RRP15: variants seen among roughly 807,000 people sequenced by gnomAD.
RRP15 encodes the protein RRP15-like protein.
A neutral mutation model predicts 27.1 loss-of-function variants in RRP15; 18 were observed. That is an observed-to-expected ratio of 0.66 (90% CI 0.46 to 0.98). The LOEUF (loss-of-function observed/expected upper bound fraction) is 0.98, where lower values mean the gene tolerates loss of function less well. Ranked by LOEUF, RRP15 falls within the 50% of genes least tolerant of loss-of-function variation. The pLI, the probability that RRP15 is intolerant of heterozygous loss-of-function variation, is 0.00. For missense variants in RRP15, 359 were observed against 337.8 expected, an observed-to-expected ratio of 1.06 and a Z score of -0.49; for synonymous variants, 107 against 109.4, an observed-to-expected ratio of 0.98 and a Z score of 0.14.
intron 4 of RRP15, among the ~76,000 whole-genome samples, chr1:218,318,190 T>G (rs1336146042): frequency 2.0e-5 from 3 of 152,158 alleles, no homozygotes; most frequent in Admixed American, 1.3e-4. Context: ...TTGTTTAGGT[T>G]GATTATTTGA....
rs1656450347 is a variant in RRP15, at chr1:218,336,473, T to G, written c.*5382T>G. The G allele has an allele frequency of 6.6e-6, 1 of 152,664 alleles. No homozygotes were observed. The highest frequency in any genetic ancestry group is 1.5e-5 in the Non-Finnish European group (1 of 68,050). The allele number at this position is 152,664 out of a possible 1,614,324, so 9.5% of individuals were successfully genotyped here. A position where few individuals can be genotyped will look rare whatever the true frequency, so the allele number is the denominator to read the frequency against. ...CTGGGGCTCTAAATGGAGAGACAGC[T>G]GAGAGCTGTGTCCCTATGCGTGGGT... On this transcript the variant is annotated 3_prime_UTR_variant, in exon 5 of 5. Transcript: ENST00000366932.
intron 1 of RRP15, among the ~76,000 whole-genome samples, chr1:218,297,356 A>G (rs1655736971): frequency 6.6e-6 from 1 of 152,092 alleles, no homozygotes; most frequent in African/African-American, 2.4e-5. Context: ...GCCACATAAA[A>G]ATTCTCATTG....
intron 4 of RRP15, among the ~76,000 whole-genome samples, chr1:218,320,154 C>T (rs1656164672): frequency 1.3e-5 from 2 of 151,700 alleles, no homozygotes; most frequent in South Asian, 2.1e-4. Context: ...TGGTGTGCTG[C>T]ACCCATTAAC....
chr1:218,287,096 C>CT (rs1335577154), intron 1 of RRP15, among the ~76,000 whole-genome samples: 1 of 150,436 alleles, frequency 6.6e-6, no homozygotes, highest in Non-Finnish European at 1.5e-5. Context: ...CCCCAGGTAG[C>CT]TAGGACTACA....
intron 1 of RRP15, among the ~76,000 whole-genome samples, chr1:218,297,605 T>C (rs1442950316): frequency 6.6e-6 from 1 of 152,204 alleles, no homozygotes; most frequent in Non-Finnish European, 1.5e-5. Context: ...CTTACTTCAT[T>C]GTCCCTTACT....
chr1:218,306,804 TGTG>T (rs1402835507), intron 3 of RRP15, among the ~76,000 whole-genome samples: 6 of 152,246 alleles, frequency 3.9e-5, no homozygotes, highest in Non-Finnish European at 4.4e-5. Flanking sequence ...ATATTCATCA[TGTG>T]GTCAGTATGA....
rs1558205478 is a variant in RRP15 at position 218,305,013 on chromosome 1, ATATT to A, written c.406-11_406-8del. Reference sequence around the variant, plus strand: ...ATATCTAATATTCTTTCACATAACAATATTTATAACGCAGCGTGATAAGAGGCTG... The same window carrying A: ...ATATCTAATATTCTTTCACATAACAATATAACGCAGCGTGATAAGAGGCTG... On this transcript the variant is annotated splice_polypyrimidine_tract_variant and intron_variant, in intron 2 of 4. Coordinates refer to ENST00000366932, the MANE Select transcript of RRP15 (RefSeq NM_016052.4). 3.7e-6 allele frequency: 6 copies of A among 1,605,780 alleles called. No homozygotes were observed. The East Asian group carries it at 8.9e-5, about 24-fold the overall frequency.
At chr1:218,320,519 T>G (rs1324246657) in intron 4 of RRP15, among the ~76,000 whole-genome samples, 2 of 152,172 alleles carry the variant, frequency 1.3e-5, no homozygotes, top group Non-Finnish European at 2.9e-5. Context: ...GTTCTTAAGA[T>G]AATTTAAATG....
rs1028268465 is a variant in RRP15, at chr1:218,333,796, C to T, written c.*2705C>T. ...TTACAGGTGTGAGCCACCATACCAC[C>T]TGTCTTTGAATTTTTTAACGAGGGG... On this transcript the variant is annotated 3_prime_UTR_variant, in exon 5 of 5. Transcript: ENST00000366932. 3 of 152,136 alleles carry T rather than the reference C, an allele frequency of 2.0e-5. No individual in the cohort carries two copies. The highest frequency in any genetic ancestry group is 7.2e-5 in the African/African-American group (3 of 41,434). The allele number at this position is 152,136 out of a possible 1,614,324, so 9.4% of individuals were successfully genotyped here.
intron 4 of RRP15, among the ~76,000 whole-genome samples, chr1:218,310,962 T>C (rs1655985961): frequency 6.6e-6 from 1 of 152,018 alleles, no homozygotes; most frequent in Admixed American, 6.6e-5. Context: ...TTGATCAGGC[T>C]GGTCACGAAC....
At chr1:218,330,887 C>T in intron 4 of RRP15, 61 bp from the exon 5 acceptor site, 1 of 1,494,488 alleles carries the variant, frequency 6.7e-7, no homozygotes, top group Non-Finnish European at 9.2e-7. Context: ...TAGCTTGTAC[C>T]TTTTTGTTTC....
At chr1:218,312,349 G>T (rs1432456704) in intron 4 of RRP15, among the ~76,000 whole-genome samples, 1 of 149,700 alleles carries the variant, frequency 6.7e-6, no homozygotes, top group African/African-American at 2.5e-5. Context: ...TTTCTTTTTG[G>T]AACCTTTTAA....
chr1:218,285,932 TC>T lies in RRP15; in HGVS notation c.139+478del, dbSNP rs1655538493. Among the ~76,000 whole-genome samples the T allele has an allele frequency of 2.0e-5, 3 of 152,120 alleles. No homozygotes were observed. The South Asian group carries it at 6.2e-4, about 32-fold the overall frequency. On this transcript the variant is annotated intron_variant, in intron 1 of 4. Transcript: ENST00000366932. ...TGAAAGAAGAGTTTGGTGGTTAAGG[TC>T]GATTAAAAACTGGTAGTGTTTGATA...
chr1:218,288,668 A>G (rs1258073114), intron 1 of RRP15, among the ~76,000 whole-genome samples: 1 of 152,248 alleles, frequency 6.6e-6, no homozygotes, highest in Non-Finnish European at 1.5e-5. Context: ...TCAGGAGGAC[A>G]TAGATAATTT....
chr1:218,285,681 C>A (rs1265794666), intron 1 of RRP15, among the ~76,000 whole-genome samples: 1 of 152,006 alleles, frequency 6.6e-6, no homozygotes, highest in East Asian at 1.9e-4. Flanking sequence ...TAGGTATTTT[C>A]AGGGTCACCA....
chr1:218,323,841 C>T (rs775793245), intron 4 of RRP15, among the ~76,000 whole-genome samples: 4 of 152,192 alleles, frequency 2.6e-5, no homozygotes, highest in East Asian at 1.9e-4. Flanking sequence ...GCCCGGGTTC[C>T]GCTCCAACCT....
chr1:218,291,731 C>T (rs1380171786), intron 1 of RRP15, among the ~76,000 whole-genome samples: 1 of 151,882 alleles, frequency 6.6e-6, no homozygotes, highest in African/African-American at 2.4e-5. Flanking sequence ...GGGGTTTCAA[C>T]ATGTTGGCCA....
intron 1 of RRP15, among the ~76,000 whole-genome samples, chr1:218,292,743 C>T (rs1294324544): frequency 6.6e-6 from 1 of 152,228 alleles, no homozygotes; most frequent in Non-Finnish European, 1.5e-5. Context: ...CACTGCTTGC[C>T]TCTCAGGCTC....
At chr1:218,298,351 C>T (rs901519911) in intron 1 of RRP15, among the ~76,000 whole-genome samples, 5 of 152,196 alleles carry the variant, frequency 3.3e-5, no homozygotes, top group African/African-American at 1.2e-4. Context: ...AGAACACCTA[C>T]AAATTCTATT....
Sources: gnomAD v4.1 joint callset for allele counts (sites outside exome capture counted in the v4.1 genomes callset) on GRCh38, gnomAD v4.1.1 for gene constraint, MANE v1.5 for transcripts, NCBI Gene and HGNC (gene_info 2026-07-23, HGNC 2026-07-21) for gene names.